Variants in TLN1 observed in about 807,000 individuals in gnomAD.
TLN1 encodes the protein talin 1.
Under a neutral mutation model 292.3 loss-of-function variants are expected in TLN1, and 56 were observed. The ratio of observed to expected loss-of-function variants is 0.19; its 90% CI spans 0.15 to 0.24. The LOEUF (loss-of-function observed/expected upper bound fraction) is 0.24, where lower values mean the gene tolerates loss of function less well. Ranked by LOEUF, TLN1 falls within the 10% of genes least tolerant of loss-of-function variation. The pLI, the probability that TLN1 is intolerant of heterozygous loss-of-function variation, is 1.00. For synonymous variants in TLN1, 1,119 were observed against 1,253.7 expected, an observed-to-expected ratio of 0.89 and a Z score of 2.27; for missense variants, 2,433 against 3,248.2, an observed-to-expected ratio of 0.75 and a Z score of 6.10.
chr9:35,702,075 TG>T (rs1322574440), intron 48 of TLN1, among the ~76,000 whole-genome samples: 1 of 151,912 alleles, frequency 6.6e-6, no homozygotes, highest in Admixed American at 6.6e-5. Flanking sequence ...CGGGAGAGTA[TG>T]GAAGTGTGAA....
intron 1 of TLN1, among the ~76,000 whole-genome samples, chr9:35,726,436 T>G (rs1283617834): frequency 2.0e-5 from 3 of 152,212 alleles, no homozygotes; most frequent in Non-Finnish European, 1.5e-5. Flanking sequence ...TTTTCTCTCT[T>G]TGTCTCCTGC....
Position 35,697,814 on chromosome 9 carries a change from A to G in TLN1, c.7603T>C (p.Ser2535Pro). 1.2e-6 allele frequency: 2 copies of G among 1,614,108 alleles called. No homozygotes were observed. Among genetic ancestry groups the G allele is most frequent in the Non-Finnish European group, 1.7e-6 (2 of 1,180,018 alleles). The change falls in exon 57 of 57, where the codon TCA becomes CCA. Residue 2535 changes from serine (S) to proline (P), a missense_variant. Around this residue, in one of 7 missense-constraint regions of TLN1, gnomAD observed 141 missense variants for 248.5 expected, o/e 0.57. Transcript: ENST00000314888. ...CTTTAGTGCTCATCTCGAAGCTCTG[A>G]AGGCAGAAACTTGTACTGCTGCTGC... Reference protein sequence around the residue: ...IRQQQYKFLPSELRDEH With the variant: ...IRQQQYKFLPPELRDEH
At chr9:35,709,124 G>A (rs922417120) in intron 33 of TLN1, among the ~76,000 whole-genome samples, 3 of 152,190 alleles carry the variant, frequency 2.0e-5, no homozygotes, top group Non-Finnish European at 2.9e-5. Context: ...GTGAAACCCT[G>A]TCTCTACTAA....
rs1480971934 is a variant in TLN1, at chr9:35,706,049, C to G, written c.5424G>C (p.Glu1808Asp). 1 of 1,614,222 alleles carries G rather than the reference C, an allele frequency of 6.2e-7. No individual in the cohort carries two copies. The highest frequency in any genetic ancestry group is 1.7e-5 in the Admixed American group (1 of 60,030). Residue 1808 changes from glutamate to aspartate, a missense_variant, in exon 41 of 57, where the codon GAG becomes GAC. Transcript: ENST00000314888. This position sits in a 1 kb window ranked among gnomAD's most constrained non-coding sequence, Gnocchi z 4.2. ...EAVQMMTEAV[E>D]DLTTTLNEAA... The stretch of plus-strand genomic sequence containing the variant: ...CCTCGTTGAGGGTTGTTGTCAGGTC[C>G]TCTACGGCCTCGGTCATCATCTGCA...
rs988200171 is a variant in TLN1, at chr9:35,703,438, C to T, written c.6474+122G>A. On this transcript the variant is annotated intron_variant, in intron 48 of 56. Coordinates refer to ENST00000314888, the MANE Select transcript of TLN1 (RefSeq NM_006289.4). ...GACCCTTCTCAAAAAAAAAGTCTGG[C>T]GATAGATGAGAGAGAAGACTGTGTG... is the stretch of plus-strand genomic sequence containing the variant. 4 of 962,206 alleles carry T rather than the reference C, an allele frequency of 4.2e-6. No homozygotes were observed. The African/African-American group carries it at 4.9e-5, about 12-fold the overall frequency. The allele number at this position is 962,206 out of a possible 1,614,324, so 59.6% of individuals were successfully genotyped here.
chr9:35,722,066 A>C, intron 9 of TLN1, 53 bp downstream of exon 9: 1 of 1,530,292 alleles, frequency 6.5e-7, no homozygotes, highest in Non-Finnish European at 9.1e-7. Context: ...TCAGAGACAG[A>C]AAAGGGCAAG....
At chr9:35,721,007 TGC>T in intron 10 of TLN1, 94 bp from the exon 11 acceptor site, 1 of 894,224 alleles carries the variant, frequency 1.1e-6, no homozygotes, top group Middle Eastern at 2.3e-4. Context: ...GCTGATGAGA[TGC>T]CTTCCCGTGG....
intron 10 of TLN1, 115 bp from the exon 11 acceptor site, chr9:35,721,028 C>T: frequency 1.4e-6 from 1 of 707,134 alleles, no homozygotes; most frequent in Non-Finnish European, 2.4e-6. Context: ...GGCAACGGCC[C>T]TCTTGGAAGA....
chr9:35,705,897 C>T (rs1432489156), intron 41 of TLN1, 46 bp from the exon 42 acceptor site: 2 of 1,613,924 alleles, frequency 1.2e-6, no homozygotes, highest in African/African-American at 2.7e-5. Context: ...AGGGTCTCTG[C>T]CACTGTGCTT....
chr9:35,704,563 C>A lies in TLN1; in HGVS notation c.5881-65G>T. ...ATGTGAAATGGAAAGGTTGCCCATG[C>A]CTGGGAGAAGTGACAACAGGAGAGG... is the stretch of plus-strand genomic sequence containing the variant. On this transcript the variant is annotated intron_variant, in intron 44 of 56. Transcript: ENST00000314888. The surrounding 1 kb of genome is among the most constrained non-coding windows in gnomAD (Gnocchi z 6.9). 6.3e-7 allele frequency: 1 copy of A among 1,582,938 alleles called. No individual in the cohort carries two copies. Among genetic ancestry groups the A allele is most frequent in the South Asian group, 1.2e-5 (1 of 86,956 alleles).
At chr9:35,720,679 G>T in intron 11 of TLN1, 133 bp downstream of exon 11, 1 of 1,004,806 alleles carries the variant, frequency 1.0e-6, no homozygotes, top group Non-Finnish European at 1.5e-6. Context: ...AGGCTGGAGT[G>T]CAGAGGCAAG....
intron 8 of TLN1, among the ~76,000 whole-genome samples, chr9:35,722,527 T>G (rs1427325279): frequency 6.6e-6 from 1 of 152,190 alleles, no homozygotes; most frequent in South Asian, 2.1e-4. Context: ...CACCTTATAG[T>G]GGACAAAGAC....
In TLN1 at chr9:35,723,942, G is replaced by A. The variant is rs1377277118; in HGVS notation, c.782+10C>T. 6 of 1,613,870 alleles carry A rather than the reference G, an allele frequency of 3.7e-6. No individual in the cohort carries two copies. Among genetic ancestry groups the A allele is most frequent in the Middle Eastern group, 1.6e-4 (1 of 6,082 alleles). On this transcript the variant is annotated intron_variant, in intron 7 of 56. Coordinates refer to ENST00000314888, the MANE Select transcript of TLN1 (RefSeq NM_006289.4). The stretch of plus-strand genomic sequence containing the variant: ...GGGCCCTGACAGGGTATAGGATGTG[G>A]GTCACTCACTCAAGGAAGCCAGCCT...
rs1192472691 is a variant in TLN1 at position 35,697,441 on chromosome 9, TG to T, written c.*349del. ...GGGGGAAGATAGTATCAAAAAACGG[TG>T]AAGAGAGCTGATGAGGCTGTGGGGA... is the stretch of plus-strand genomic sequence containing the variant. On this transcript the variant is annotated 3_prime_UTR_variant, in exon 57 of 57. Coordinates refer to ENST00000314888, the MANE Select transcript of TLN1 (RefSeq NM_006289.4). 4.0e-5 allele frequency: 11 copies of T among 272,254 alleles called. 1 individual carries two copies. In the East Asian group the frequency reaches 8.2e-4, roughly 20 times the overall value. 16.9% of individuals were successfully genotyped at this position (272,254 alleles called of 1,614,324 possible).
At position 35,700,096 on chromosome 9, in the gene TLN1, A is replaced by G; in HGVS notation, c.6661-15T>C. On this transcript the variant is annotated splice_polypyrimidine_tract_variant and intron_variant, in intron 49 of 56. Coordinates refer to ENST00000314888, the MANE Select transcript of TLN1 (RefSeq NM_006289.4). The stretch of plus-strand genomic sequence containing the variant: ...TAAGCTGCTTCCTGTCCCCAGAGTA[A>G]TATGTTAGCTTTAGGCCCCGCAGAT... 2 of 1,605,384 alleles carry G rather than the reference A, an allele frequency of 1.2e-6. No individual in the cohort carries two copies. Among genetic ancestry groups the G allele is most frequent in the Non-Finnish European group, 1.7e-6 (2 of 1,173,324 alleles).
At position 35,714,106 on chromosome 9, in the gene TLN1, T is replaced by C. The variant is rs758952362; in HGVS notation, c.3121-25A>G. Reference sequence around the variant, plus strand: ...CCTATGATAAGAAAGGGGTTTTGGGTGTAGAAGGTCCTGCTGTGTCTCACC... The same window carrying C: ...CCTATGATAAGAAAGGGGTTTTGGGCGTAGAAGGTCCTGCTGTGTCTCACC... On this transcript the variant is annotated intron_variant, in intron 24 of 56. Coordinates refer to ENST00000314888, the MANE Select transcript of TLN1 (RefSeq NM_006289.4). This position sits in a 1 kb window ranked among gnomAD's most constrained non-coding sequence, Gnocchi z 4.6. 7 of 1,612,842 alleles carry C rather than the reference T, an allele frequency of 4.3e-6. No homozygotes were observed. In the South Asian group the frequency reaches 4.4e-5, roughly 10 times the overall value.
rs367633649 is a variant in TLN1, at chr9:35,714,731, C to G, written c.2871+29G>C. On this transcript the variant is annotated intron_variant, in intron 22 of 56. Transcript: ENST00000314888. The surrounding 1 kb of genome is among the most constrained non-coding windows in gnomAD (Gnocchi z 4.6). Reference sequence around the variant, plus strand: ...TAAGAGACCCACAAGTCTCCCTCTTCCACTCCCACATCCTTCCTAGAGTCT... The same window carrying G: ...TAAGAGACCCACAAGTCTCCCTCTTGCACTCCCACATCCTTCCTAGAGTCT... The G allele has an allele frequency of 1.9e-6, 3 of 1,610,906 alleles. No homozygotes were observed. Among genetic ancestry groups the G allele is most frequent in the African/African-American group, 2.7e-5 (2 of 75,034 alleles).
rs1429255299 is a variant in TLN1, at chr9:35,713,197, T to C, written c.3351A>G (p.Ala1117=). 6.3e-7 allele frequency: 1 copy of C among 1,591,776 alleles called. No individual in the cohort carries two copies. The highest frequency in any genetic ancestry group is 1.3e-5 in the African/African-American group (1 of 74,644). The change falls in exon 26 of 57, where the codon GCA becomes GCG. Residue 1117 remains alanine (A), a splice_region_variant and synonymous_variant. Coordinates refer to ENST00000314888, the MANE Select transcript of TLN1 (RefSeq NM_006289.4). ...GEVAQGNENY[A]GIAARDVAGG... is the part of the protein sequence containing the mutation. The stretch of plus-strand genomic sequence containing the variant: ...ATGCCTGGCTCTCTGCCCACATACC[T>C]GCATAATTCTCATTGCCCTGGGCAA...
rs752731077 is a variant in TLN1, at chr9:35,703,560, C to T, written c.6474G>A (p.Ala2158=). Reference sequence around the variant, plus strand: ...ACTGATGCCCCAGACTCTCACTCACCGCCAGCTCCTGCCGTATGTGTTCTG... The same window carrying T: ...ACTGATGCCCCAGACTCTCACTCACTGCCAGCTCCTGCCGTATGTGTTCTG... The part of the protein sequence containing the change: ...ATTEHIRQEL[A]VFCSPEPPAK... Residue 2158 remains alanine, a splice_region_variant and synonymous_variant, in exon 48 of 57, where the codon GCG becomes GCA. Coordinates refer to ENST00000314888, the MANE Select transcript of TLN1 (RefSeq NM_006289.4). The T allele has an allele frequency of 1.5e-5, 25 of 1,613,946 alleles. No individual in the cohort carries two copies. Among genetic ancestry groups the T allele is most frequent in the Admixed American group, 3.3e-5 (2 of 60,008 alleles).
Sources: allele counts gnomAD v4.1 joint callset (sites outside exome capture counted in the v4.1 genomes callset), GRCh38; gene constraint gnomAD v4.1.1; regional missense constraint gnomAD v4.1.1; non-coding constraint Gnocchi (gnomAD v3.1); transcripts MANE v1.5; gene names NCBI Gene and HGNC (gene_info 2026-07-23, HGNC 2026-07-21).